The following CTDSPL variants were observed in gnomAD, a reference collection of about 807,000 sequenced individuals.
CTDSPL encodes CTD small phosphatase like, also known as CTD small phosphatase-like protein.
In CTDSPL, 8 loss-of-function variants were observed where a neutral mutation model predicts 30.5. The observed-to-expected ratio is 0.26, with a 90% CI of 0.15 to 0.47. CTDSPL has a LOEUF of 0.47. Among genes scored for constraint, CTDSPL ranks in the 20% least tolerant of loss-of-function variants. The probability of loss-of-function intolerance (pLI) is 0.99; values close to 1 mark genes in which losing one functional copy is unlikely to be tolerated. For synonymous variants in CTDSPL, 110 were observed against 137.9 expected (o/e 0.80, Z 1.42); for missense variants, 248 against 366.1 (o/e 0.68, Z 2.63).
At chr3:37,954,974 A>G (rs1442450735) in intron 2 of CTDSPL, 1 of 152,194 alleles carries the variant, frequency 6.6e-6, no homozygotes, top group Admixed American at 6.5e-5. Flanking sequence ...GCTTGCTCAT[A>G]GTGGGCATTT....
intron 1 of CTDSPL, among the ~76,000 whole-genome samples, chr3:37,866,621 A>G (rs1698013716): frequency 6.6e-6 from 1 of 152,244 alleles, no homozygotes; most frequent in African/African-American, 2.4e-5. Context: ...AGTATTAGCA[A>G]GAACATATCA....
At chr3:37,958,511 C>A (rs972740006) in intron 3 of CTDSPL, among the ~76,000 whole-genome samples, 6 of 152,138 alleles carry the variant, frequency 3.9e-5, no homozygotes, top group Admixed American at 2.6e-4. Context: ...CCTTCAATAT[C>A]ACTATTACTG....
At chr3:37,898,808 A>G (rs557106293) in intron 1 of CTDSPL, among the ~76,000 whole-genome samples, 7 of 152,314 alleles carry the variant, frequency 4.6e-5, no homozygotes, top group East Asian at 1.9e-4. Flanking sequence ...TAGGAAAGCT[A>G]TAAATAGAGA....
intron 1 of CTDSPL, among the ~76,000 whole-genome samples, chr3:37,879,021 G>T (rs1289337646): frequency 6.6e-6 from 1 of 152,066 alleles, no homozygotes; most frequent in Non-Finnish European, 1.5e-5. Context: ...GAGGGTGTGT[G>T]GGACACCTTT....
At chr3:37,887,975 G>T (rs1233956954) in intron 1 of CTDSPL, among the ~76,000 whole-genome samples, 1 of 152,204 alleles carries the variant, frequency 6.6e-6, no homozygotes, top group Non-Finnish European at 1.5e-5. Context: ...TAAGGTGGCA[G>T]TTACATAACA....
At chr3:37,864,947 A>G (rs1459787121) in intron 1 of CTDSPL, among the ~76,000 whole-genome samples, 1 of 152,188 alleles carries the variant, frequency 6.6e-6, no homozygotes, top group Non-Finnish European at 1.5e-5. Flanking sequence ...GAGGGTTCAA[A>G]GAGATGATGT....
intron 1 of CTDSPL, among the ~76,000 whole-genome samples, chr3:37,912,265 C>T (rs1698592340): frequency 6.6e-6 from 1 of 152,182 alleles, no homozygotes; most frequent in Non-Finnish European, 1.5e-5. Flanking sequence ...CTTTCCTGCA[C>T]TCAGCCCCGG....
At chr3:37,969,411 C>T (rs767679948) in intron 5 of CTDSPL, 5 of 530,432 alleles carry the variant, frequency 9.4e-6, no homozygotes, top group Admixed American at 5.9e-5. Flanking sequence ...GCCGTGGCCT[C>T]GTTCAAGTAA....
intron 1 of CTDSPL, among the ~76,000 whole-genome samples, chr3:37,880,748 T>C (rs1265621496): frequency 6.6e-6 from 1 of 152,144 alleles, no homozygotes; most frequent in African/African-American, 2.4e-5. Context: ...CAAATGGAGT[T>C]TTGAGATGTT....
At chr3:37,874,176 C>T (rs1400574867) in intron 1 of CTDSPL, among the ~76,000 whole-genome samples, 1 of 152,218 alleles carries the variant, frequency 6.6e-6, no homozygotes, top group Non-Finnish European at 1.5e-5. Context: ...TCTTTGGGCT[C>T]TAGAAACTTG....
In CTDSPL at chr3:37,983,311, C is replaced by CTA. The variant is rs1350585529; in HGVS notation, c.*2450_*2451dup. 1 of 150,156 alleles carries CTA rather than the reference C, an allele frequency of 6.7e-6. No homozygotes were observed. Among genetic ancestry groups the CTA allele is most frequent in the African/African-American group, 2.5e-5 (1 of 39,616 alleles). 9.3% of individuals were successfully genotyped at this position (150,156 alleles called of 1,614,324 possible). A position where few individuals can be genotyped will look rare whatever the true frequency, so the allele number is the denominator to read the frequency against. ...TCTATATCTATATCTATATCTATAT[C>CTA]TATATATTTTTAATCATCTACATGT... On this transcript the variant is annotated 3_prime_UTR_variant, in exon 8 of 8. Coordinates refer to ENST00000273179, the MANE Select transcript of CTDSPL (RefSeq NM_001008392.2).
chr3:37,870,267 A>C (rs986696423), intron 1 of CTDSPL, among the ~76,000 whole-genome samples: 1 of 152,100 alleles, frequency 6.6e-6, no homozygotes, highest in Non-Finnish European at 1.5e-5. Flanking sequence ...TATCTCTTTC[A>C]GATTGGGCAA....
chr3:37,982,262 G>T lies in CTDSPL; in HGVS notation c.*1395G>T. On this transcript the variant is annotated 3_prime_UTR_variant, in exon 8 of 8. Coordinates refer to ENST00000273179, the MANE Select transcript of CTDSPL (RefSeq NM_001008392.2). The stretch of plus-strand genomic sequence containing the variant: ...GCCAAGGGTTGGGGAAGCCTGTCTA[G>T]ATGTGGGACTCATTGCCCCAAACCA... 1.2e-5 allele frequency: 4 copies of T among 327,270 alleles called. No individual in the cohort carries two copies. The highest frequency in any genetic ancestry group is 2.4e-5 in the Non-Finnish European group (4 of 166,058). The allele number at this position is 327,270 out of a possible 1,614,324, so 20.3% of individuals were successfully genotyped here. A position where few individuals can be genotyped will look rare whatever the true frequency, so the allele number is the denominator to read the frequency against.
intron 1 of CTDSPL, among the ~76,000 whole-genome samples, chr3:37,896,177 G>A (rs975423981): frequency 1.3e-5 from 2 of 152,218 alleles, no homozygotes; most frequent in East Asian, 1.9e-4. Context: ...GCAGCCTAAC[G>A]AAGGATATGA....
At chr3:37,936,263 A>G (rs1698914179) in intron 1 of CTDSPL, among the ~76,000 whole-genome samples, 1 of 152,150 alleles carries the variant, frequency 6.6e-6, no homozygotes, top group South Asian at 2.1e-4. Context: ...CCCTGGGGAC[A>G]TTTATCTCAT....
chr3:37,926,130 G>A (rs947480420), intron 1 of CTDSPL, among the ~76,000 whole-genome samples: 3 of 152,186 alleles, frequency 2.0e-5, no homozygotes, highest in Non-Finnish European at 2.9e-5. Context: ...TGGTAGCTGG[G>A]GAGAGGTCTG....
At chr3:37,968,434 A>G (rs1699325331) in intron 5 of CTDSPL, 1 of 224,402 alleles carries the variant, frequency 4.5e-6, no homozygotes, top group South Asian at 4.6e-5. Flanking sequence ...GTCAGTTGGC[A>G]TGCGTCTTCG....
intron 1 of CTDSPL, among the ~76,000 whole-genome samples, chr3:37,945,049 T>C (rs1283019353): frequency 6.7e-6 from 1 of 150,302 alleles, no homozygotes; most frequent in African/African-American, 2.4e-5. Flanking sequence ...CCTGGGAAGG[T>C]GCTTTCTGCA....
At chr3:37,949,818 G>C (rs1430464428) in intron 2 of CTDSPL, among the ~76,000 whole-genome samples, 4 of 152,228 alleles carry the variant, frequency 2.6e-5, no homozygotes, top group Non-Finnish European at 5.9e-5. Flanking sequence ...ACCCAGGTGG[G>C]CCTGCTGGTG....
Sources: gnomAD v4.1 joint callset for allele counts (sites outside exome capture counted in the v4.1 genomes callset) on GRCh38, gnomAD v4.1.1 for gene constraint, MANE v1.5 for transcripts, NCBI Gene and HGNC (gene_info 2026-07-23, HGNC 2026-07-21) for gene names.